The following EML5 variants were observed in gnomAD, a reference collection of about 807,000 sequenced individuals.
The protein encoded by EML5 is EMAP like 5.
Under a neutral mutation model 250.0 loss-of-function variants are expected in EML5, and 120 were observed. That is an observed-to-expected ratio of 0.48 (90% CI 0.41 to 0.56). The LOEUF (loss-of-function observed/expected upper bound fraction) is 0.56. EML5 is among the 20% of genes least tolerant of loss of function. The probability of loss-of-function intolerance (pLI) is 0.00; values close to 1 mark genes in which losing one functional copy is unlikely to be tolerated. For missense variants in EML5, 2,006 were observed against 2,437.6 expected, an observed-to-expected ratio of 0.82 and a Z score of 3.73; for synonymous variants, 771 against 806.5, an observed-to-expected ratio of 0.96 and a Z score of 0.75.
chr14:88,689,137 T>C (rs917932138), intron 17 of EML5, among the ~76,000 whole-genome samples: 9 of 152,202 alleles, frequency 5.9e-5, no homozygotes, highest in African/African-American at 2.2e-4. Context: ...TAATGGAGAT[T>C]TAAGTTACTT....
At chr14:88,639,530 T>C (rs533002546) in intron 31 of EML5, among the ~76,000 whole-genome samples, 6 of 152,178 alleles carry the variant, frequency 3.9e-5, no homozygotes, top group Non-Finnish European at 7.3e-5. Context: ...TTGGGCCATA[T>C]TGAGTCACAT....
chr14:88,687,367 TA>T, intron 18 of EML5, 40 bp from the exon 19 acceptor site: 2 of 1,397,988 alleles, frequency 1.4e-6, no homozygotes, highest in Non-Finnish European at 9.7e-7. Context: ...AAGATCTAAA[TA>T]TTTTTTAAAA....
intron 7 of EML5, among the ~76,000 whole-genome samples, chr14:88,727,597 C>T (rs1332844811): frequency 6.6e-6 from 1 of 152,040 alleles, no homozygotes; most frequent in African/African-American, 2.4e-5. Context: ...GGGGTTTCTC[C>T]ATGTTGGTCA....
At chr14:88,689,202 T>C (rs925101410) in intron 17 of EML5, among the ~76,000 whole-genome samples, 3 of 152,206 alleles carry the variant, frequency 2.0e-5, no homozygotes, top group African/African-American at 4.8e-5. Flanking sequence ...TAAAGGCCTC[T>C]TCTATACAAG....
chr14:88,651,958 C>G (rs932277786), intron 27 of EML5, among the ~76,000 whole-genome samples: 2 of 151,908 alleles, frequency 1.3e-5, no homozygotes, highest in African/African-American at 4.8e-5. Context: ...GTTCATTTTG[C>G]CACTGAGGAA....
At chr14:88,779,908 A>T (rs546836777) in intron 1 of EML5, among the ~76,000 whole-genome samples, 2 of 152,294 alleles carry the variant, frequency 1.3e-5, no homozygotes, top group East Asian at 3.9e-4. Flanking sequence ...CTTCTATGTT[A>T]CTGTGAGGAA....
Position 88,664,515 on chromosome 14 carries a change from G to C in EML5, c.3387C>G (p.Thr1129=), listed in dbSNP as rs746472023. The C allele has an allele frequency of 3.7e-6, 6 of 1,606,790 alleles. No individual in the cohort carries two copies. Among genetic ancestry groups the C allele is most frequent in the Middle Eastern group, 1.8e-4 (1 of 5,568 alleles). The change falls in exon 23 of 44, where the codon ACC becomes ACG. Residue 1129 remains threonine, a synonymous_variant. Transcript: ENST00000554922. ...TACCTCTAATATCCCAATCAATATG[G>C]GTTATGTAACTGGTAGCTCCTTTGC... The part of the protein sequence containing the change: ...GICKGATSYI[T]HIDWDIRGKL...
intron 2 of EML5, among the ~76,000 whole-genome samples, chr14:88,747,402 ACT>A (rs1269134235): frequency 7.9e-5 from 12 of 151,986 alleles, no homozygotes; most frequent in Admixed American, 7.2e-4. Context: ...ACAGAGAGAG[ACT>A]CTGTCTCAAA....
chr14:88,744,221 C>T (rs2093970844), intron 3 of EML5, 130 bp from the exon 4 acceptor site: 3 of 469,174 alleles, frequency 6.4e-6, no homozygotes, highest in Non-Finnish European at 3.7e-6. Context: ...AATCAACATC[C>T]CACACTTCAA....
At chr14:88,646,591 T>C (rs953462021) in intron 29 of EML5, among the ~76,000 whole-genome samples, 32 of 152,198 alleles carry the variant, frequency 2.1e-4, no homozygotes, top group African/African-American at 7.7e-4. Flanking sequence ...TTTTTATCTA[T>C]ATAATCCTAT....
chr14:88,655,509 A>G (rs2091834536), intron 27 of EML5, among the ~76,000 whole-genome samples: 1 of 152,198 alleles, frequency 6.6e-6, no homozygotes, highest in South Asian at 2.1e-4. Flanking sequence ...CATAAGACCT[A>G]AAACCATAAA....
chr14:88,771,243 CT>C (rs750466589), intron 1 of EML5, among the ~76,000 whole-genome samples: 39 of 152,344 alleles, frequency 2.6e-4, no homozygotes, highest in Admixed American at 1.4e-3. Flanking sequence ...CAGTTCCCCC[CT>C]ATCAACCTCT....
chr14:88,687,814 A>C (rs2092869156), intron 18 of EML5, among the ~76,000 whole-genome samples: 1 of 152,128 alleles, frequency 6.6e-6, no homozygotes, highest in Non-Finnish European at 1.5e-5. Context: ...ACCATGGCTC[A>C]TGCCTGTAAC....
At chr14:88,674,096 T>C (rs1459743300) in intron 21 of EML5, among the ~76,000 whole-genome samples, 1 of 152,046 alleles carries the variant, frequency 6.6e-6, no homozygotes, top group Non-Finnish European at 1.5e-5. Context: ...TAGTGAAACC[T>C]TGTCTCTACT....
chr14:88,616,262 A>G lies in EML5; in HGVS notation c.5797-20T>C. The stretch of plus-strand genomic sequence containing the variant: ...TTTTGCCTAAAAAACAATGACAGAC[A>G]AGCTCAGGGCATTTGGTGCACACAG... On this transcript the variant is annotated intron_variant, in intron 42 of 43. Coordinates refer to ENST00000554922, the MANE Select transcript of EML5 (RefSeq NM_183387.3). The G allele has an allele frequency of 6.2e-7, 1 of 1,610,344 alleles. No homozygotes were observed. Among genetic ancestry groups the G allele is most frequent in the Non-Finnish European group, 8.5e-7 (1 of 1,176,688 alleles).
At chr14:88,654,464 T>C (rs577817699) in intron 27 of EML5, among the ~76,000 whole-genome samples, 9 of 152,328 alleles carry the variant, frequency 5.9e-5, no homozygotes, top group African/African-American at 1.7e-4. Flanking sequence ...GTCCCAGAGA[T>C]TCTGGTATGC....
intron 6 of EML5, 29 bp from the exon 7 acceptor site, chr14:88,736,594 A>G (rs1370264412): frequency 3.1e-5 from 49 of 1,603,308 alleles, no homozygotes; most frequent in Non-Finnish European, 4.1e-5. Context: ...TATTTAATAT[A>G]TAATGCTGTA....
At chr14:88,663,260 A>G in intron 23 of EML5, 141 bp from the exon 24 acceptor site, 2 of 478,830 alleles carry the variant, frequency 4.2e-6, no homozygotes, top group Non-Finnish European at 3.5e-6. Context: ...TTATAGTAAG[A>G]ACATTTTATT....
At chr14:88,660,345 G>GATTTATTTATAA (rs2092040262) in intron 25 of EML5, among the ~76,000 whole-genome samples, 4 of 151,556 alleles carry the variant, frequency 2.6e-5, no homozygotes, top group South Asian at 2.1e-4. Context: ...TTTTATTTCC[G>GATTTATTTATAA]TGTTAAGGAA....
Sources: allele counts gnomAD v4.1 joint callset (sites outside exome capture counted in the v4.1 genomes callset), GRCh38; gene constraint gnomAD v4.1.1; transcripts MANE v1.5; gene names NCBI Gene and HGNC (gene_info 2026-07-23, HGNC 2026-07-21).